SATB1: variants seen among roughly 807,000 people sequenced by gnomAD.
The protein encoded by SATB1 is SATB homeobox 1, also known as DNA-binding protein SATB1.
Under a neutral mutation model 86.9 loss-of-function variants are expected in SATB1, and 11 were observed. The ratio of observed to expected loss-of-function variants is 0.13; its 90% CI spans 0.08 to 0.21. The LOEUF is 0.21. Among genes scored for constraint, SATB1 ranks in the 10% least tolerant of loss-of-function variants. The probability of loss-of-function intolerance (pLI) is 1.00; values close to 1 mark genes in which losing one functional copy is unlikely to be tolerated. For synonymous variants in SATB1, 357 were observed against 357.2 expected, an observed-to-expected ratio of 1.00 and a Z score of 0.01; for missense variants, 551 against 937.6, an observed-to-expected ratio of 0.59 and a Z score of 5.39.
chr3:18,368,423 T>TTTAA (rs1695297382), intron 9 of SATB1, among the ~76,000 whole-genome samples: 1 of 152,090 alleles, frequency 6.6e-6, no homozygotes, highest in Non-Finnish European at 1.5e-5. Flanking sequence ...AATATCAGAT[T>TTTAA]TTAAAGCTGA....
chr3:18,410,525 C>T (rs554444836), intron 5 of SATB1, among the ~76,000 whole-genome samples: 8 of 152,052 alleles, frequency 5.3e-5, no homozygotes, highest in South Asian at 4.2e-4. Context: ...GGACCAAAGG[C>T]GCTCTCGATA....
upstream of SATB1, among the ~76,000 whole-genome samples, chr3:18,443,588 T>C (rs1054011823): frequency 2.0e-5 from 3 of 152,196 alleles, no homozygotes; most frequent in Non-Finnish European, 4.4e-5. The surrounding 1 kb of genome is among the most constrained non-coding windows in gnomAD (Gnocchi z 4.4). Flanking sequence ...CTTTCCCCTG[T>C]TGGTCTTCTG....
Position 18,374,945 on chromosome 3 carries a change from A to T in SATB1, c.1575+3225T>A, listed in dbSNP as rs1219455399. ...TATGTTAAAAGAATCCTGGGCTCAA[A>T]AGTTAAAATTTTCCAATATTATACC... On this transcript the variant is annotated intron_variant, in intron 9 of 10. Coordinates refer to ENST00000338745, the MANE Select transcript of SATB1 (RefSeq NM_002971.6). Among the ~76,000 whole-genome samples the T allele has an allele frequency of 4.6e-5, 7 of 152,268 alleles. No homozygotes were observed. The East Asian group carries it at 7.7e-4, about 17-fold the overall frequency.
chr3:18,394,408 TAAAG>T lies in SATB1; in HGVS notation c.1206+50_1206+53del, dbSNP rs1444679396. On this transcript the variant is annotated intron_variant, in intron 7 of 10. Transcript: ENST00000338745. This position sits in a 1 kb window ranked among gnomAD's most constrained non-coding sequence, Gnocchi z 5.9. Reference sequence around the variant, plus strand: ...AATAAACTTTAGTTATAGATGGGACTAAAGAAAGAGAAAATAGGAGACAGCACAG... The same window carrying T: ...AATAAACTTTAGTTATAGATGGGACTAAAGAGAAAATAGGAGACAGCACAG... 3.5e-5 allele frequency: 51 copies of T among 1,469,696 alleles called. No individual in the cohort carries two copies. The East Asian group carries it at 8.0e-4, about 23-fold the overall frequency. 91.0% of individuals were successfully genotyped at this position (1,469,696 alleles called of 1,614,324 possible). A position where few individuals can be genotyped will look rare whatever the true frequency, so the allele number is the denominator to read the frequency against.
intron 2 of SATB1, among the ~76,000 whole-genome samples, chr3:18,434,000 A>C (rs1430862894): frequency 6.6e-6 from 1 of 152,096 alleles, no homozygotes; most frequent in Admixed American, 6.5e-5. Context: ...ACATAAATAC[A>C]CTTGAGAGAG....
chr3:18,410,424 G>A (rs1337089250), intron 5 of SATB1, among the ~76,000 whole-genome samples: 6 of 151,898 alleles, frequency 4.0e-5, no homozygotes, highest in African/African-American at 1.4e-4. Context: ...CTTCACCAGC[G>A]ATGTAGCCAT....
chr3:18,432,862 A>G (rs1474111618), intron 2 of SATB1, among the ~76,000 whole-genome samples: 1 of 152,070 alleles, frequency 6.6e-6, no homozygotes, highest in Non-Finnish European at 1.5e-5. Flanking sequence ...TGGCAGATAT[A>G]TAATACCAGG....
intron 2 of SATB1, among the ~76,000 whole-genome samples, chr3:18,433,175 G>T (rs929167941): frequency 3.3e-5 from 5 of 152,084 alleles, no homozygotes; most frequent in African/African-American, 9.7e-5. Flanking sequence ...ACAAACAGGA[G>T]TTCCTTAAGT....
At chr3:18,411,947 G>C (rs1272063310) in intron 5 of SATB1, among the ~76,000 whole-genome samples, 1 of 151,844 alleles carries the variant, frequency 6.6e-6, no homozygotes, top group Non-Finnish European at 1.5e-5. Context: ...TATCATCAAA[G>C]AAAACATTAT....
chr3:18,445,124 G>A (rs1699356133), intron 1 of SATB1: 1 of 748,472 alleles, frequency 1.3e-6, no homozygotes, highest in African/African-American at 1.9e-5. Flanking sequence ...GGCGGACCCC[G>A]CGTAGCCGCC....
chr3:18,438,360 G>A (rs1030041669), intron 1 of SATB1, among the ~76,000 whole-genome samples: 3 of 152,026 alleles, frequency 2.0e-5, no homozygotes, highest in African/African-American at 7.3e-5. Flanking sequence ...AATTCTCCCT[G>A]GGAACTTGCT....
At chr3:18,382,112 T>G (rs1696094721) in intron 8 of SATB1, among the ~76,000 whole-genome samples, 1 of 152,196 alleles carries the variant, frequency 6.6e-6, no homozygotes, top group South Asian at 2.1e-4. Context: ...TGTTTCATTA[T>G]ATCGTAGAGG....
chr3:18,352,563 G>C lies in SATB1; in HGVS notation c.1576-368C>G, dbSNP rs1694421333. The C allele has an allele frequency of 4.5e-6, 1 of 221,414 alleles. No homozygotes were observed. Among genetic ancestry groups the C allele is most frequent in the Non-Finnish European group, 9.1e-6 (1 of 109,332 alleles). 13.7% of individuals were successfully genotyped at this position (221,414 alleles called of 1,614,324 possible). On this transcript the variant is annotated intron_variant, in intron 9 of 10. Coordinates refer to ENST00000338745, the MANE Select transcript of SATB1 (RefSeq NM_002971.6). This position sits in a 1 kb window ranked among gnomAD's most constrained non-coding sequence, Gnocchi z 4.1. ...GAGTGGCTGGCCATCTGAGGATACGGAAGTGCCTAAGAGGCAGGACAGATT... is the reference window on the plus strand; with the variant it reads ...GAGTGGCTGGCCATCTGAGGATACGCAAGTGCCTAAGAGGCAGGACAGATT...
chr3:18,413,880 A>G (rs1340751218), intron 5 of SATB1, among the ~76,000 whole-genome samples: 2 of 152,124 alleles, frequency 1.3e-5, no homozygotes, highest in Non-Finnish European at 1.5e-5. Flanking sequence ...TATCAAAGTA[A>G]AAGTGTTGGA....
At chr3:18,425,797 G>A (rs1257170127), upstream of SATB1, among the ~76,000 whole-genome samples, 1 of 149,434 alleles carries the variant, frequency 6.7e-6, no homozygotes, top group Admixed American at 6.6e-5. Flanking sequence ...CGGGCGGCAG[G>A]GGCAGGTGTG....
intron 9 of SATB1, among the ~76,000 whole-genome samples, chr3:18,375,917 A>G (rs1404355405): frequency 2.0e-5 from 3 of 152,218 alleles, no homozygotes; most frequent in African/African-American, 4.8e-5. Flanking sequence ...TGACTCCCAT[A>G]GCCCACTATT....
chr3:18,445,304 G>A (rs1380411207), intron 1 of SATB1: 1 of 985,606 alleles, frequency 1.0e-6, no homozygotes, highest in East Asian at 1.1e-4. Context: ...CGCCGCCGCC[G>A]CCGCTGCTGC....
chr3:18,392,532 T>C (rs1696729272), intron 7 of SATB1, among the ~76,000 whole-genome samples: 1 of 151,802 alleles, frequency 6.6e-6, no homozygotes, highest in African/African-American at 2.4e-5. Flanking sequence ...AAGACACCAG[T>C]AACTATATAT....
intron 7 of SATB1, among the ~76,000 whole-genome samples, chr3:18,388,436 C>A (rs1384505290): frequency 2.0e-5 from 3 of 152,166 alleles, no homozygotes; most frequent in Admixed American, 2.0e-4. Flanking sequence ...ATATTCTCAA[C>A]TACACAGATA....
Sources: allele counts gnomAD v4.1 joint callset (sites outside exome capture counted in the v4.1 genomes callset), GRCh38; gene constraint gnomAD v4.1.1; non-coding constraint Gnocchi (gnomAD v3.1); transcripts MANE v1.5; gene names NCBI Gene and HGNC (gene_info 2026-07-23, HGNC 2026-07-21).